TENM2: variants seen among roughly 807,000 people sequenced by gnomAD.
TENM2 encodes teneurin-2.
A neutral mutation model predicts 245.2 loss-of-function variants in TENM2; 52 were observed. The observed-to-expected ratio is 0.21, with a 90% CI of 0.17 to 0.27. The LOEUF (loss-of-function observed/expected upper bound fraction) is 0.27. Ranked by LOEUF, TENM2 falls within the 10% of genes least tolerant of loss-of-function variation. The pLI is 1.00. For missense variants in TENM2, 3,046 were observed against 3,666.8 expected, an observed-to-expected ratio of 0.83 and a Z score of 4.37; for synonymous variants, 1,363 against 1,438.9, an observed-to-expected ratio of 0.95 and a Z score of 1.19.
At chr5:167,098,535 G>A in the TENM2 span, among the ~76,000 whole-genome samples, 1 of 152,072 alleles carries the variant, frequency 6.6e-6, no homozygotes, top group Non-Finnish European at 1.5e-5. Context: ...CTCTTGCAGC[G>A]CTTGTCATTC....
chr5:167,634,725 C>G (rs1337071468), intron 2 of TENM2, among the ~76,000 whole-genome samples: 1 of 151,900 alleles, frequency 6.6e-6, no homozygotes, highest in Non-Finnish European at 1.5e-5. Flanking sequence ...AGTTCCCTAG[C>G]TTACTCAGCC....
intron 2 of TENM2, among the ~76,000 whole-genome samples, chr5:167,514,115 G>T (rs1362155683): frequency 1.3e-5 from 2 of 152,158 alleles, no homozygotes; most frequent in Non-Finnish European, 2.9e-5. Flanking sequence ...CCATGACTTT[G>T]CATAGGACAT....
intron 2 of TENM2, among the ~76,000 whole-genome samples, chr5:167,635,631 G>GTTTTTTTTT (rs1561623173): frequency 9.9e-5 from 9 of 90,982 alleles, no homozygotes; most frequent in African/African-American, 5.3e-4. Context: ...GATCAGTACA[G>GTTTTTTTTT]TCTTTTTTTT....
At chr5:168,102,546 G>A (rs936040484) in intron 9 of TENM2, among the ~76,000 whole-genome samples, 1 of 152,130 alleles carries the variant, frequency 6.6e-6, no homozygotes. Flanking sequence ...ATGCCAAAAG[G>A]GGACTTGAGC....
chr5:167,202,388 A>T, the TENM2 span, among the ~76,000 whole-genome samples: 2 of 152,086 alleles, frequency 1.3e-5, no homozygotes, highest in Non-Finnish European at 2.9e-5. Context: ...CACCTTGCTC[A>T]GCAAAGAATC....
chr5:168,013,034 T>C (rs1034927673), intron 5 of TENM2, among the ~76,000 whole-genome samples: 2 of 152,150 alleles, frequency 1.3e-5, no homozygotes, highest in East Asian at 1.9e-4. Context: ...AGGAGGGAGA[T>C]AGAAGTGGAG....
At chr5:167,304,156 T>C (rs191328675) in intron 1 of TENM2, among the ~76,000 whole-genome samples, 1 of 152,266 alleles carries the variant, frequency 6.6e-6, no homozygotes, top group East Asian at 1.9e-4. Context: ...CCTTGAATGA[T>C]GGGTTCAGAA....
chr5:167,251,653 C>T, the TENM2 span, among the ~76,000 whole-genome samples: 1 of 152,100 alleles, frequency 6.6e-6, no homozygotes, highest in Non-Finnish European at 1.5e-5. Context: ...TGTCTGGGCC[C>T]ACTTTATCTT....
intron 2 of TENM2, among the ~76,000 whole-genome samples, chr5:167,486,988 C>T (rs527397144): frequency 4.1e-4 from 62 of 152,200 alleles, no homozygotes; most frequent in African/African-American, 1.5e-3. Flanking sequence ...TATGTACATA[C>T]ATAAATATCA....
chr5:167,982,454 G>A (rs1209790893), intron 4 of TENM2, among the ~76,000 whole-genome samples: 1 of 152,198 alleles, frequency 6.6e-6, no homozygotes, highest in Non-Finnish European at 1.5e-5. Flanking sequence ...CAGAGGTGGA[G>A]GCAATGCAGT....
At chr5:168,262,176 C>A in exon 29 of TENM2, 3 of 1,612,738 alleles carry the variant, frequency 1.9e-6, no homozygotes, top group Non-Finnish European at 2.5e-6. Context: ...TTTGCCACCA[C>A]CACGCCCATC....
chr5:167,475,125 T>C (rs1176229724), intron 2 of TENM2, among the ~76,000 whole-genome samples: 2 of 152,198 alleles, frequency 1.3e-5, no homozygotes, highest in African/African-American at 4.8e-5. Context: ...TTGAGAAGGA[T>C]TGACCTTATA....
At chr5:167,255,910 T>A in the TENM2 span, among the ~76,000 whole-genome samples, 1 of 152,144 alleles carries the variant, frequency 6.6e-6, no homozygotes, top group Non-Finnish European at 1.5e-5. Context: ...GCTACCAATT[T>A]TTTTTTCCTC....
At chr5:167,502,854 T>C (rs1174473576) in intron 2 of TENM2, among the ~76,000 whole-genome samples, 2 of 152,222 alleles carry the variant, frequency 1.3e-5, no homozygotes, top group Admixed American at 1.3e-4. Flanking sequence ...TGTCTGCTAA[T>C]TTTAACAACC....
intron 2 of TENM2, among the ~76,000 whole-genome samples, chr5:167,797,295 T>A (rs1364326646): frequency 6.6e-6 from 1 of 152,188 alleles, no homozygotes; most frequent in East Asian, 1.9e-4. Context: ...ACCTCCTTTT[T>A]CTTTTGGCAT....
At chr5:167,603,206 T>C (rs1274804433) in intron 2 of TENM2, among the ~76,000 whole-genome samples, 1 of 152,194 alleles carries the variant, frequency 6.6e-6, no homozygotes, top group African/African-American at 2.4e-5. Context: ...AACAGGACAC[T>C]GGGTTTCCTA....
rs1358544068 is a variant in TENM2, at chr5:167,683,263, C to CTTTTTT, written c.503-192723_503-192722insTTTTTT. Among the ~76,000 whole-genome samples, 344 of 148,890 alleles carry CTTTTTT rather than the reference C, an allele frequency of 2.3e-3. 4 individuals are homozygous for CTTTTTT. Among genetic ancestry groups the CTTTTTT allele is most frequent in the African/African-American group, 8.4e-3 (337 of 40,240 alleles). ...AAGGACCATGTCTTTTTTTTTTTCCCCCCCTGGGCATCAGAAATAAAAAGT... is the reference window on the plus strand; with the variant it reads ...AAGGACCATGTCTTTTTTTTTTTCCCTTTTTTCCCCTGGGCATCAGAAATAAAAAGT... On this transcript the variant is annotated intron_variant, in intron 2 of 28. Coordinates refer to ENST00000518659, the Ensembl canonical transcript of TENM2.
chr5:167,977,524 G>T (rs938937777), intron 4 of TENM2, among the ~76,000 whole-genome samples: 3 of 152,156 alleles, frequency 2.0e-5, no homozygotes, highest in African/African-American at 4.8e-5. Flanking sequence ...CTCCCTGAAA[G>T]CTCTTTCCTG....
At chr5:168,081,351 A>C (rs1307931910) in intron 7 of TENM2, among the ~76,000 whole-genome samples, 7 of 152,084 alleles carry the variant, frequency 4.6e-5, no homozygotes, top group African/African-American at 1.7e-4. Flanking sequence ...GGGTCTCCTG[A>C]ATACAGCACA....
Sources: allele counts gnomAD v4.1 joint callset (sites outside exome capture counted in the v4.1 genomes callset), GRCh38; gene constraint gnomAD v4.1.1; transcripts MANE v1.5; gene names NCBI Gene and HGNC (gene_info 2026-07-23, HGNC 2026-07-21).